Variants in TENM3 observed in about 807,000 individuals in gnomAD.
The protein encoded by TENM3 is teneurin transmembrane protein 3.
Under a neutral mutation model 255.1 loss-of-function variants are expected in TENM3, and 63 were observed. That is an observed-to-expected ratio of 0.25 (90% CI 0.20 to 0.30). The LOEUF is 0.30. Among genes scored for constraint, TENM3 ranks in the 10% least tolerant of loss-of-function variants. The pLI is 1.00. For missense variants in TENM3, 2,929 were observed against 3,461.1 expected, an observed-to-expected ratio of 0.85 and a Z score of 3.86; for synonymous variants, 1,306 against 1,322.3, an observed-to-expected ratio of 0.99 and a Z score of 0.27.
At chr4:182,117,108 C>A in the TENM3 span, among the ~76,000 whole-genome samples, 1 of 152,152 alleles carries the variant, frequency 6.6e-6, no homozygotes, top group Non-Finnish European at 1.5e-5. Context: ...TGTCTGACAT[C>A]TTTGGCCCAA....
Position 182,346,758 on chromosome 4 carries a change from G to A in TENM3, c.340G>A (p.Ala114Thr). ...GLPHRGYSISAGSDADTENEA... is the reference protein window; with the variant it reads ...GLPHRGYSISTGSDADTENEA... ...CCCTCACAGAGGTTACTCTATCAGT[G>A]CAGGGTCAGATGCTGATACTGAAAA... Residue 114 changes from alanine to threonine, a missense_variant, in exon 3 of 28, where the codon GCA (alanine) becomes ACA (threonine). Physicochemically the swap from Ala to Thr is moderately conservative, Grantham distance 58. Coordinates refer to ENST00000511685, the MANE Select transcript of TENM3 (RefSeq NM_001080477.4). 3 of 1,613,554 alleles carry A rather than the reference G, an allele frequency of 1.9e-6. No individual in the cohort carries two copies. The highest frequency in any genetic ancestry group is 2.5e-6 in the Non-Finnish European group (3 of 1,179,740).
the TENM3 span, among the ~76,000 whole-genome samples, chr4:181,541,754 C>A: frequency 6.6e-6 from 1 of 152,204 alleles, no homozygotes; most frequent in African/African-American, 2.4e-5. Context: ...CTCCAAAATA[C>A]TCAGAACCTC....
At chr4:182,713,480 C>T (rs1394834369) in intron 12 of TENM3, among the ~76,000 whole-genome samples, 1 of 152,184 alleles carries the variant, frequency 6.6e-6, no homozygotes, top group East Asian at 1.9e-4. Flanking sequence ...GTACTCTTGG[C>T]ATAAAGTATA....
chr4:182,256,031 T>C (rs1758369517), intron 1 of TENM3, among the ~76,000 whole-genome samples: 1 of 152,170 alleles, frequency 6.6e-6, no homozygotes, highest in South Asian at 2.1e-4. Context: ...AAGGGCGTAT[T>C]GCACACTCTG....
the TENM3 span, among the ~76,000 whole-genome samples, chr4:181,804,112 AGGAG>A: frequency 8.6e-6 from 1 of 116,006 alleles, no homozygotes; most frequent in Admixed American, 1.1e-4. Context: ...AGGAAGGAGA[AGGAG>A]GGAGGGAAAG....
At chr4:181,507,366 A>C in the TENM3 span, among the ~76,000 whole-genome samples, 2 of 152,366 alleles carry the variant, frequency 1.3e-5, no homozygotes, top group African/African-American at 4.8e-5. Flanking sequence ...ATCTGAAATT[A>C]CATCACACCA....
the TENM3 span, among the ~76,000 whole-genome samples, chr4:181,713,538 G>T: frequency 2.0e-5 from 3 of 152,028 alleles, no homozygotes; most frequent in Non-Finnish European, 2.9e-5. Flanking sequence ...CAAAAGTAAG[G>T]CCTCCATGTG....
rs560442282 is a variant in TENM3 at position 182,714,353 on chromosome 4, G to A, written c.2368+120G>A. On this transcript the variant is annotated intron_variant, in intron 13 of 27. Transcript: ENST00000511685. ...AAAAAAAAAAAACCTGATCCCCATC[G>A]ATTAGATTGATTGAAAAATGTATGA... 1.6e-5 allele frequency: 13 copies of A among 793,614 alleles called. No individual in the cohort carries two copies. In the South Asian group the frequency reaches 2.4e-4, roughly 15 times the overall value. The allele number at this position is 793,614 out of a possible 1,614,324, so 49.2% of individuals were successfully genotyped here. A position where few individuals can be genotyped will look rare whatever the true frequency, so the allele number is the denominator to read the frequency against.
chr4:181,930,222 C>A, the TENM3 span, among the ~76,000 whole-genome samples: 1 of 152,072 alleles, frequency 6.6e-6, no homozygotes, highest in Non-Finnish European at 1.5e-5. Flanking sequence ...ACCAATGAAT[C>A]CAGGAGCTGG....
chr4:181,570,650 G>GC, the TENM3 span, among the ~76,000 whole-genome samples: 1 of 138,016 alleles, frequency 7.2e-6, no homozygotes, highest in Admixed American at 7.3e-5. Flanking sequence ...GAGAGAGAAA[G>GC]AAGGAAAGCA....
intron 6 of TENM3, among the ~76,000 whole-genome samples, chr4:182,654,236 A>C (rs907880057): frequency 7.2e-5 from 11 of 152,136 alleles, no homozygotes; most frequent in African/African-American, 2.4e-4. Context: ...GGTTTTCTTC[A>C]TTCAACTTGC....
chr4:182,716,103 C>G (rs1338019485), intron 13 of TENM3, among the ~76,000 whole-genome samples: 1 of 152,124 alleles, frequency 6.6e-6, no homozygotes, highest in African/African-American at 2.4e-5. Context: ...TGGCTCCTCT[C>G]TTCGTTACTT....
At chr4:182,166,078 T>G (rs548233992) in intron 1 of TENM3, among the ~76,000 whole-genome samples, 1 of 152,290 alleles carries the variant, frequency 6.6e-6, no homozygotes, top group South Asian at 2.1e-4. Flanking sequence ...GCACCCGGCC[T>G]GTAAAAGCAG....
chr4:182,228,372 G>GTATATATATA lies in TENM3; in HGVS notation c.-76+83619_-76+83620insATATATATAT, dbSNP rs1561218824. Among the ~76,000 whole-genome samples the GTATATATATA allele has an allele frequency of 2.4e-3, 224 of 94,154 alleles. 19 individuals carry two copies. The highest frequency in any genetic ancestry group is 3.6e-3 in the Admixed American group (33 of 9,130). The allele number at this position is 94,154 out of a possible 152,430, so 61.8% of individuals were successfully genotyped here. A position where few individuals can be genotyped will look rare whatever the true frequency, so the allele number is the denominator to read the frequency against. Reference sequence around the variant, plus strand: ...AATGTAATGTAATGTGTGTGTGTGTGTGTGTGTGTGTGTGTGTGTGTATAT... The same window carrying GTATATATATA: ...AATGTAATGTAATGTGTGTGTGTGTGTATATATATATGTGTGTGTGTGTGTGTGTGTATAT... On this transcript the variant is annotated intron_variant, in intron 1 of 2. Transcript: ENST00000512480.
At chr4:181,874,159 T>C in the TENM3 span, among the ~76,000 whole-genome samples, 24,497 of 151,990 alleles carry the variant, frequency 0.16, 2,470 homozygotes, top group East Asian at 0.55. Flanking sequence ...CCTCAGGTGA[T>C]CCACCCGCCT....
chr4:182,394,045 A>C (rs530992230), intron 3 of TENM3, among the ~76,000 whole-genome samples: 1 of 152,308 alleles, frequency 6.6e-6, no homozygotes, highest in South Asian at 2.1e-4. Context: ...GTGGTGATTC[A>C]AAATAAAATT....
chr4:182,511,502 A>T (rs1410218537), intron 3 of TENM3, among the ~76,000 whole-genome samples: 2 of 152,186 alleles, frequency 1.3e-5, no homozygotes, highest in African/African-American at 4.8e-5. Flanking sequence ...TGCTTCAACT[A>T]AAAAGATGAA....
chr4:182,793,724 A>G lies in TENM3; in HGVS notation c.7052A>G (p.His2351Arg), dbSNP rs961935591. The stretch of plus-strand genomic sequence containing the variant: ...TATGACCCACTCACCAAATTAATCC[A>G]CTTTGGAGAAAGAGATTATGACATT... ...GLYDPLTKLI[H>R]FGERDYDILA... Residue 2351 changes from histidine to arginine, a missense_variant, in exon 26 of 28, where the codon CAC becomes CGC. Physicochemically the swap from His to Arg is conservative, Grantham distance 29 (BLOSUM62 0). Around this residue, in one of 6 missense-constraint regions of TENM3, gnomAD observed 256 missense variants for 389.3 expected, o/e 0.66. Coordinates refer to ENST00000511685, the MANE Select transcript of TENM3 (RefSeq NM_001080477.4). This position sits in a 1 kb window ranked among gnomAD's most constrained non-coding sequence, Gnocchi z 5.7. 6 of 1,614,054 alleles carry G rather than the reference A, an allele frequency of 3.7e-6. No homozygotes were observed. The highest frequency in any genetic ancestry group is 3.3e-5 in the Admixed American group (2 of 60,032).
Position 182,799,960 on chromosome 4 carries a change from C to T in TENM3, c.7709C>T (p.Ala2570Val), listed in dbSNP as rs1766804571. Residue 2570 changes from alanine to valine, a missense_variant, in exon 28 of 28, where the codon GCG becomes GTG. Coordinates refer to ENST00000511685, the MANE Select transcript of TENM3 (RefSeq NM_001080477.4). The surrounding 1 kb of genome is among the most constrained non-coding windows in gnomAD (Gnocchi z 4.2). ...GTLRLTSGRK[A>V]LENGINVTVS... ...CTGCGGTTGACCAGCGGCCGCAAGG[C>T]GCTGGAGAACGGCATCAACGTGACG... 1 of 1,591,008 alleles carries T rather than the reference C, an allele frequency of 6.3e-7. No homozygotes were observed. The highest frequency in any genetic ancestry group is 1.3e-5 in the African/African-American group (1 of 74,384).
Sources: gnomAD v4.1 joint callset for allele counts (sites outside exome capture counted in the v4.1 genomes callset) on GRCh38, gnomAD v4.1.1 for gene constraint, gnomAD v4.1.1 regional missense constraint, Gnocchi (gnomAD v3.1) non-coding constraint, MANE v1.5 for transcripts, NCBI Gene and HGNC (gene_info 2026-07-23, HGNC 2026-07-21) for gene names.